PREX1: variants seen among roughly 807,000 people sequenced by gnomAD.
PREX1 encodes phosphatidylinositol 3,4,5-trisphosphate-dependent Rac exchanger 1 protein.
PREX1 carries 41 observed loss-of-function variants against 198.3 expected under a neutral mutation model. The ratio of observed to expected loss-of-function variants is 0.21; its 90% CI spans 0.16 to 0.27. The LOEUF (loss-of-function observed/expected upper bound fraction) is 0.27, where lower values mean the gene tolerates loss of function less well. Among genes scored for constraint, PREX1 ranks in the 10% least tolerant of loss-of-function variants. The pLI, the probability that PREX1 is intolerant of heterozygous loss-of-function variation, is 1.00. For synonymous variants in PREX1, 843 were observed against 887.2 expected (o/e 0.95, Z 0.89); for missense variants, 1,620 against 2,200.7 (o/e 0.74, Z 5.28).
the PREX1 span, among the ~76,000 whole-genome samples, chr20:48,860,379 A>G: frequency 6.6e-6 from 1 of 152,332 alleles, no homozygotes; most frequent in African/African-American, 2.4e-5. Flanking sequence ...GAAGGGCAGA[A>G]TGGGGAGTTG....
At chr20:48,858,026 G>A in the PREX1 span, among the ~76,000 whole-genome samples, 1 of 152,224 alleles carries the variant, frequency 6.6e-6, no homozygotes, top group African/African-American at 2.4e-5. Flanking sequence ...CCTGGGGAGG[G>A]TACGGGCCGA....
the PREX1 span, among the ~76,000 whole-genome samples, chr20:48,871,812 T>G: frequency 6.8e-6 from 1 of 146,954 alleles, no homozygotes; most frequent in African/African-American, 2.5e-5. Flanking sequence ...CCTTTAAACA[T>G]TAGAGTCAGG....
rs745993584 is a variant in PREX1 at position 48,653,427 on chromosome 20, C to T, written c.2280G>A (p.Met760Ile). Reference protein sequence around the residue: ...CILKVNGSNVMNDGAPEVLEH... With the variant: ...CILKVNGSNVINDGAPEVLEH... ...CCAGGACCTCAGGGGCACCATCGTT[C>T]ATCACGTTGCTGCCATTGACCTTCA... Residue 760 changes from methionine to isoleucine, a missense_variant, in exon 20 of 40, where the codon ATG (methionine) becomes ATA (isoleucine). By Grantham distance (10) the Met-to-Ile change is conservative. Coordinates refer to ENST00000371941, the MANE Select transcript of PREX1 (RefSeq NM_020820.4). The T allele has an allele frequency of 6.2e-7, 1 of 1,613,934 alleles. No homozygotes were observed. Among genetic ancestry groups the T allele is most frequent in the Non-Finnish European group, 8.5e-7 (1 of 1,180,018 alleles).
chr20:48,642,501 TAGA>T lies in PREX1; in HGVS notation c.3602-15_3602-13del, dbSNP rs1164877177. ...GGGCAGCTCATCTCCTGGCAGGAGG[TAGA>T]AGCAGCAGCCATCAGTCATTCCTGC... On this transcript the variant is annotated splice_polypyrimidine_tract_variant and intron_variant, in intron 27 of 39. Transcript: ENST00000371941. The T allele has an allele frequency of 1.2e-6, 2 of 1,604,294 alleles. No homozygotes were observed. The highest frequency in any genetic ancestry group is 2.7e-5 in the African/African-American group (2 of 74,640).
chr20:48,756,469 CTTTT>C (rs11383728), intron 1 of PREX1, among the ~76,000 whole-genome samples: 1 of 148,598 alleles, frequency 6.7e-6, no homozygotes, highest in Non-Finnish European at 1.5e-5. Context: ...GAAGAGATAG[CTTTT>C]TTTTTTTTAC....
chr20:48,864,449 A>G, the PREX1 span, among the ~76,000 whole-genome samples: 3 of 152,210 alleles, frequency 2.0e-5, no homozygotes, highest in South Asian at 6.2e-4. Context: ...TTTGTGCCAA[A>G]TGTTGTTCAA....
chr20:48,818,682 A>T (rs972438401), intron 1 of PREX1, among the ~76,000 whole-genome samples: 11 of 152,220 alleles, frequency 7.2e-5, no homozygotes, highest in African/African-American at 2.7e-4. Flanking sequence ...GAGCTAATAG[A>T]CAGTAAAGTG....
At chr20:48,740,017 G>C (rs2090073986) in intron 3 of PREX1, among the ~76,000 whole-genome samples, 1 of 152,172 alleles carries the variant, frequency 6.6e-6, no homozygotes, top group African/African-American at 2.4e-5. Context: ...TTGGGTTTTG[G>C]GGAAAGGGGG....
intron 15 of PREX1, among the ~76,000 whole-genome samples, chr20:48,663,769 T>C (rs1239706961): frequency 6.6e-6 from 1 of 152,206 alleles, no homozygotes; most frequent in African/African-American, 2.4e-5. Context: ...TGACCACTTC[T>C]AACCCCTTGC....
intron 37 of PREX1, among the ~76,000 whole-genome samples, chr20:48,628,212 G>A (rs2122800746): frequency 6.6e-6 from 1 of 152,342 alleles, no homozygotes; most frequent in East Asian, 1.9e-4. Context: ...CAGAAGCCCT[G>A]TTGAGTTCCC....
At chr20:48,843,600 C>T in the PREX1 span, among the ~76,000 whole-genome samples, 1 of 152,240 alleles carries the variant, frequency 6.6e-6, no homozygotes, top group Admixed American at 6.5e-5. Context: ...CAAGCACCTT[C>T]ACTGGCTCCC....
chr20:48,770,878 T>C (rs1382396228), intron 1 of PREX1, among the ~76,000 whole-genome samples: 4 of 152,150 alleles, frequency 2.6e-5, no homozygotes, highest in Admixed American at 6.5e-5. Flanking sequence ...TGCTGATTCC[T>C]GGGCCCTGAA....
At position 48,651,492 on chromosome 20, in the gene PREX1, G is replaced by A. The variant is rs57487349; in HGVS notation, c.2559C>T (p.His853=). The stretch of plus-strand genomic sequence containing the variant: ...TGCTCACATACTCATACACCACGCC[G>A]TGTTCCAGGTGCACGTTGTCCACAG... ...TLTVDNVHLE[H]GVVYEYVSTA... Residue 853 remains histidine (H), a synonymous_variant, in exon 22 of 40, where the codon CAC becomes CAT. Transcript: ENST00000371941. 2,448 of 1,614,222 alleles carry A rather than the reference G, an allele frequency of 1.5e-3. 21 individuals are homozygous for A. The highest frequency in any genetic ancestry group is 0.012 in the South Asian group (1,132 of 91,084).
At chr20:48,760,540 G>T (rs578142562) in intron 1 of PREX1, among the ~76,000 whole-genome samples, 10 of 152,088 alleles carry the variant, frequency 6.6e-5, no homozygotes, top group South Asian at 2.1e-4. Flanking sequence ...AAACAAAAAG[G>T]GGGGGAGGAG....
In PREX1 at chr20:48,822,360, G is replaced by A. The variant is rs561495861; in HGVS notation, c.219+5282C>T. Among the ~76,000 whole-genome samples, 18 of 152,332 alleles carry A rather than the reference G, an allele frequency of 1.2e-4. 1 individual carries two copies. In the East Asian group the frequency reaches 3.5e-3, roughly 29 times the overall value. On this transcript the variant is annotated intron_variant, in intron 1 of 39. Transcript: ENST00000371941. Reference sequence around the variant, plus strand: ...ATTCAGGATAGTGGTGAAGAATGTGGGCCATGCAGCCGCATTACCTGGGTC... The same window carrying A: ...ATTCAGGATAGTGGTGAAGAATGTGAGCCATGCAGCCGCATTACCTGGGTC...
intron 15 of PREX1, among the ~76,000 whole-genome samples, chr20:48,664,554 G>A (rs73911620): frequency 0.012 from 1,898 of 152,292 alleles, 46 homozygotes; most frequent in African/African-American, 0.043. Context: ...CAAGTGCAAA[G>A]GCTCTGAGGA....
At chr20:48,885,973 C>T in the PREX1 span, among the ~76,000 whole-genome samples, 7 of 152,066 alleles carry the variant, frequency 4.6e-5, no homozygotes, top group African/African-American at 1.7e-4. Flanking sequence ...TGTGTGATAC[C>T]ATAATGGTGG....
intron 9 of PREX1, among the ~76,000 whole-genome samples, chr20:48,689,380 C>T (rs1464011874): frequency 6.6e-6 from 1 of 152,202 alleles, no homozygotes; most frequent in Non-Finnish European, 1.5e-5. Context: ...CCATAATTAT[C>T]CCCGTTTTAC....
At chr20:48,786,158 G>A (rs945452284) in intron 1 of PREX1, among the ~76,000 whole-genome samples, 1 of 152,122 alleles carries the variant, frequency 6.6e-6, no homozygotes, top group Non-Finnish European at 1.5e-5. Flanking sequence ...GGTCAAACCT[G>A]GAATCTAGGC....
Sources: allele counts gnomAD v4.1 joint callset (sites outside exome capture counted in the v4.1 genomes callset), GRCh38; gene constraint gnomAD v4.1.1; transcripts MANE v1.5; gene names NCBI Gene and HGNC (gene_info 2026-07-23, HGNC 2026-07-21).